Variants in PYHIN1 observed in about 807,000 individuals in gnomAD.
PYHIN1 encodes pyrin and HIN domain-containing protein 1.
In PYHIN1, 32 loss-of-function variants were observed where a neutral mutation model predicts 43.7. The ratio of observed to expected loss-of-function variants is 0.73; its 90% CI spans 0.55 to 0.98. The LOEUF is 0.98. Ranked by LOEUF, PYHIN1 falls within the 50% of genes least tolerant of loss-of-function variation. The pLI is 0.00. For missense variants in PYHIN1, 588 were observed against 589.5 expected (o/e 1.00, Z 0.03); for synonymous variants, 205 against 203.1 (o/e 1.01, Z -0.08).
intron 7 of PYHIN1, among the ~76,000 whole-genome samples, chr1:158,958,648 C>G (rs1044221925): frequency 1.3e-5 from 2 of 150,294 alleles, no homozygotes; most frequent in Admixed American, 6.7e-5. Flanking sequence ...GGAGATATAC[C>G]TAATGGTAGA....
chr1:158,952,712 G>A (rs750195333), intron 7 of PYHIN1, among the ~76,000 whole-genome samples: 13 of 152,166 alleles, frequency 8.5e-5, no homozygotes, highest in Non-Finnish European at 1.9e-4. Context: ...CATTGCCCTT[G>A]AGCATAATGT....
At position 158,976,705 on chromosome 1, in the gene PYHIN1, C is replaced by T. The variant is rs143578260; in HGVS notation, c.*10C>T. The T allele has an allele frequency of 1.3e-6, 2 of 1,593,330 alleles. No individual in the cohort carries two copies. Among genetic ancestry groups the T allele is most frequent in the East Asian group, 2.3e-5 (1 of 43,886 alleles). On this transcript the variant is annotated 3_prime_UTR_variant, in exon 9 of 9. Coordinates refer to ENST00000368140, the MANE Select transcript of PYHIN1 (RefSeq NM_152501.5). Reference sequence around the variant, plus strand: ...TTTATCTCTTTATGCTTCAAGGTCACCAAGGACAAGGATATCAAATAACTA... The same window carrying T: ...TTTATCTCTTTATGCTTCAAGGTCATCAAGGACAAGGATATCAAATAACTA...
At chr1:158,989,777 G>A in the PYHIN1 span, among the ~76,000 whole-genome samples, 2 of 152,024 alleles carry the variant, frequency 1.3e-5, no homozygotes, top group African/African-American at 4.8e-5. Context: ...CCCAGTCAAA[G>A]GTACATTATT....
chr1:158,939,758 G>A (rs1648799933), intron 4 of PYHIN1: 1 of 537,068 alleles, frequency 1.9e-6, no homozygotes, highest in Non-Finnish European at 3.3e-6. Context: ...CTGTTTCCTA[G>A]GAACTTCTTT....
chr1:158,981,483 A>T (rs1393018029), downstream of PYHIN1, among the ~76,000 whole-genome samples: 2 of 152,200 alleles, frequency 1.3e-5, no homozygotes, highest in Non-Finnish European at 1.5e-5. Context: ...AAAGATAAAG[A>T]AATAAATAAA....
In PYHIN1 at chr1:158,938,288, A is replaced by G. The variant is rs142533308; in HGVS notation, c.266-109A>G. 4.3e-5 allele frequency: 52 copies of G among 1,211,638 alleles called. 1 individual carries two copies. The African/African-American group carries it at 7.1e-4, about 17-fold the overall frequency. The allele number at this position is 1,211,638 out of a possible 1,614,324, so 75.1% of individuals were successfully genotyped here. ...GCTAATGCAATAGAGATAGACTAAAATACACCTGAACCCTCAAGCAGGAGC... is the reference window on the plus strand; with the variant it reads ...GCTAATGCAATAGAGATAGACTAAAGTACACCTGAACCCTCAAGCAGGAGC... On this transcript the variant is annotated intron_variant, in intron 2 of 8. Coordinates refer to ENST00000368140, the MANE Select transcript of PYHIN1 (RefSeq NM_152501.5).
At chr1:158,972,906 A>C (rs181998728) in intron 7 of PYHIN1, among the ~76,000 whole-genome samples, 310 of 152,238 alleles carry the variant, frequency 2.0e-3, no homozygotes, top group African/African-American at 7.1e-3. Flanking sequence ...TTGAGATTAT[A>C]TATGCTACCT....
intron 7 of PYHIN1, among the ~76,000 whole-genome samples, chr1:158,951,771 G>T (rs1337193367): frequency 1.3e-5 from 2 of 151,996 alleles, no homozygotes; most frequent in Non-Finnish European, 2.9e-5. Flanking sequence ...TTTTTCTACT[G>T]GGGAGCAAAG....
Position 158,942,124 on chromosome 1 carries a change from G to C in PYHIN1, c.727G>C (p.Val243Leu), listed in dbSNP as rs1199120159. ...GCAAAGAAGAATGTTTCATGCTACA[G>C]TGGCTACGCAGACACAGTTCTTTCA... Reference protein sequence around the residue: ...NEQRRMFHATVATQTQFFHVK... With the variant: ...NEQRRMFHATLATQTQFFHVK... Residue 243 changes from valine to leucine, a missense_variant, in exon 5 of 9, where the codon GTG becomes CTG. Physicochemically the swap from Val to Leu is conservative, Grantham distance 32. Coordinates refer to ENST00000368140, the MANE Select transcript of PYHIN1 (RefSeq NM_152501.5). 1 of 1,614,106 alleles carries C rather than the reference G, an allele frequency of 6.2e-7. No individual in the cohort carries two copies. The highest frequency in any genetic ancestry group is 1.7e-5 in the Admixed American group (1 of 60,016).
At chr1:158,953,442 C>T (rs1352764934) in intron 7 of PYHIN1, among the ~76,000 whole-genome samples, 1 of 150,446 alleles carries the variant, frequency 6.6e-6, no homozygotes, top group African/African-American at 2.5e-5. Context: ...GGTCCCTGAC[C>T]CCTGACCCCC....
chr1:158,973,909 T>C, intron 8 of PYHIN1, 138 bp downstream of exon 8: 2 of 1,034,516 alleles, frequency 1.9e-6, no homozygotes, highest in South Asian at 3.5e-5. Flanking sequence ...CATTTATCAA[T>C]ATATAATTGG....
intron 7 of PYHIN1, among the ~76,000 whole-genome samples, chr1:158,971,704 A>G (rs1650939856): frequency 6.6e-6 from 1 of 152,000 alleles, no homozygotes; most frequent in Admixed American, 6.6e-5. Context: ...CCATTTGGCT[A>G]ACATTGTTCT....
At chr1:158,965,661 G>A (rs1650589915) in intron 7 of PYHIN1, among the ~76,000 whole-genome samples, 1 of 151,990 alleles carries the variant, frequency 6.6e-6, no homozygotes, top group Admixed American at 6.6e-5. Context: ...AATAATAAAG[G>A]CAGAAATAAA....
chr1:158,976,905 T>A lies in PYHIN1; in HGVS notation c.*210T>A. 8.3e-6 allele frequency: 1 copy of A among 121,154 alleles called. No individual in the cohort carries two copies. 7.5% of individuals were successfully genotyped at this position (121,154 alleles called of 1,614,324 possible). On this transcript the variant is annotated 3_prime_UTR_variant, in exon 9 of 9. Transcript: ENST00000368140. ...ATATATATATATATATATATATATATATATATATATACCAGCTATTAATTC... is the reference window on the plus strand; with the variant it reads ...ATATATATATATATATATATATATAAATATATATATACCAGCTATTAATTC...
chr1:158,940,636 G>T (rs2101654372), intron 4 of PYHIN1, among the ~76,000 whole-genome samples: 1 of 152,120 alleles, frequency 6.6e-6, no homozygotes, highest in Admixed American at 6.5e-5. Context: ...ACAATAAAGG[G>T]GATCAATTAT....
At chr1:158,965,002 G>T (rs912965181) in intron 7 of PYHIN1, among the ~76,000 whole-genome samples, 1 of 151,858 alleles carries the variant, frequency 6.6e-6, no homozygotes, top group Non-Finnish European at 1.5e-5. Flanking sequence ...TGTCTCACAT[G>T]CAATGACACC....
chr1:158,934,436 T>G (rs1412227942), intron 1 of PYHIN1, among the ~76,000 whole-genome samples: 1 of 152,180 alleles, frequency 6.6e-6, no homozygotes, highest in Non-Finnish European at 1.5e-5. Context: ...ATTCTCCTCT[T>G]TCAAGTAGAT....
chr1:158,936,123 A>G (rs550368958), intron 1 of PYHIN1, among the ~76,000 whole-genome samples: 9 of 151,310 alleles, frequency 5.9e-5, no homozygotes, highest in Non-Finnish European at 1.3e-4. Context: ...GGTTTGTTAC[A>G]TATGTATACA....
chr1:158,982,624 A>G, the PYHIN1 span, among the ~76,000 whole-genome samples: 1 of 151,816 alleles, frequency 6.6e-6, no homozygotes, highest in African/African-American at 2.4e-5. Context: ...GTTATTTGGG[A>G]TCTTTTTTGG....
Sources: allele counts gnomAD v4.1 joint callset (sites outside exome capture counted in the v4.1 genomes callset), GRCh38; gene constraint gnomAD v4.1.1; transcripts MANE v1.5; gene names NCBI Gene and HGNC (gene_info 2026-07-23, HGNC 2026-07-21).